The following BRCA1 variants were observed in gnomAD, a reference collection of about 807,000 sequenced individuals.
The protein encoded by BRCA1 is breast cancer type 1 susceptibility protein.
BRCA1 carries 140 observed loss-of-function variants against 173.7 expected under a neutral mutation model. That is an observed-to-expected ratio of 0.81 (90% CI 0.70 to 0.93). BRCA1 has a LOEUF of 0.93. Among genes scored for constraint, BRCA1 ranks in the 40% least tolerant of loss-of-function variants. BRCA1 has a pLI of 0.00. For synonymous variants in BRCA1, 662 were observed against 756.0 expected, an observed-to-expected ratio of 0.88 and a Z score of 2.04; for missense variants, 1,983 against 2,172.5, an observed-to-expected ratio of 0.91 and a Z score of 1.73.
chr17:43,086,644 T>A (rs2053242067), intron 11 of BRCA1, among the ~76,000 whole-genome samples: 1 of 152,172 alleles, frequency 6.6e-6, no homozygotes, highest in South Asian at 2.1e-4. Flanking sequence ...AACAAGGACA[T>A]TGTATATTGA....
At chr17:43,159,169 T>G (rs1788755567) in intron 1 of BRCA1, among the ~76,000 whole-genome samples, 1 of 152,248 alleles carries the variant, frequency 6.6e-6, no homozygotes, top group African/African-American at 2.4e-5. Context: ...GAGGATCGCT[T>G]GAGCCTGGCG....
chr17:43,156,738 C>T (rs1324945756), intron 1 of BRCA1, among the ~76,000 whole-genome samples: 1 of 152,140 alleles, frequency 6.6e-6, no homozygotes, highest in Admixed American at 6.5e-5. Context: ...TCACCACTGA[C>T]TCAATTCTGA....
At position 43,049,147 on chromosome 17, in the gene BRCA1, C is replaced by T. The variant is rs776323117; in HGVS notation, c.5380G>A (p.Glu1794Lys). 1 of 1,614,132 alleles carries T rather than the reference C, an allele frequency of 6.2e-7. No individual in the cohort carries two copies. Among genetic ancestry groups the T allele is most frequent in the South Asian group, 1.1e-5 (1 of 91,090 alleles). Residue 1794 changes from glutamate to lysine, a missense_variant, in exon 21 of 23, where the codon GAG becomes AAG. Coordinates refer to ENST00000357654, the MANE Select transcript of BRCA1 (RefSeq NM_007294.4). ...GTGCCAAGGGTGAATGATGAAAGCT[C>T]CTTCACCACAGAAGCACCACACAGC... is the stretch of plus-strand genomic sequence containing the variant. Reference protein sequence around the residue: ...VQLCGASVVKELSSFTLGTGV... With the variant: ...VQLCGASVVKKLSSFTLGTGV...
At chr17:43,135,613 C>T (rs1332182131) in intron 1 of BRCA1, among the ~76,000 whole-genome samples, 2 of 152,196 alleles carry the variant, frequency 1.3e-5, no homozygotes, top group Non-Finnish European at 2.9e-5. Context: ...TCTTCGGAGC[C>T]TTCAGCCTCG....
intron 7 of BRCA1, among the ~76,000 whole-genome samples, chr17:43,098,206 T>A (rs2054219840): frequency 1.3e-5 from 2 of 148,792 alleles, no homozygotes; most frequent in Non-Finnish European, 3.0e-5. Flanking sequence ...AAAAAGAAAT[T>A]TTTTTGTAGA....
rs1173044823 is a variant in BRCA1 at position 43,094,424 on chromosome 17, A to G, written c.1107T>C (p.Asp369=). 6.2e-7 allele frequency: 1 copy of G among 1,613,736 alleles called. No individual in the cohort carries two copies. The highest frequency in any genetic ancestry group is 1.3e-5 in the African/African-American group (1 of 74,938). ...TGCTATTTAGTGTTATCCAAGGAAC[A>G]TCTTCAGTATCTCTAGGATTCTCTG... is the stretch of plus-strand genomic sequence containing the variant. ...PCSENPRDTE[D]VPWITLNSSI... is the part of the protein sequence containing the mutation. Residue 369 remains aspartate, a synonymous_variant, in exon 10 of 23, where the codon GAT becomes GAC. Coordinates refer to ENST00000357654, the MANE Select transcript of BRCA1 (RefSeq NM_007294.4).
At chr17:43,111,506 T>C (rs2055031155) in intron 3 of BRCA1, among the ~76,000 whole-genome samples, 1 of 149,562 alleles carries the variant, frequency 6.7e-6, no homozygotes, top group South Asian at 2.1e-4. Flanking sequence ...GGCAACACAG[T>C]GAGACTCCGT....
chr17:43,096,100 G>A (rs2054124598), intron 8 of BRCA1, among the ~76,000 whole-genome samples, 178 bp from the exon 9 acceptor site: 1 of 152,072 alleles, frequency 6.6e-6, no homozygotes. Context: ...ATGGTTGCTG[G>A]GCACGGTGGC....
Position 43,092,439 on chromosome 17 carries a change from A to C in BRCA1, c.3092T>G (p.Ile1031Ser), listed in dbSNP as rs863224758. 6 of 1,613,744 alleles carry C rather than the reference A, an allele frequency of 3.7e-6. No homozygotes were observed. Among genetic ancestry groups the C allele is most frequent in the Non-Finnish European group, 5.1e-6 (6 of 1,179,988 alleles). ...GGCTTCTTTAAAAACATTTTCTCTA[A>C]TGTTATTACGGCTAATTGTGCTCAC... ...STVSTISRNN[I>S]RENVFKEASS... Residue 1031 changes from isoleucine to serine, a missense_variant, in exon 10 of 23, where the codon ATT becomes AGT. Transcript: ENST00000357654.
chr17:43,135,649 C>T (rs978692285), intron 1 of BRCA1, among the ~76,000 whole-genome samples: 4 of 152,292 alleles, frequency 2.6e-5, no homozygotes, highest in South Asian at 4.1e-4. Flanking sequence ...CATAGGGCGG[C>T]GCCAGACCCT....
rs751104940 is a variant in BRCA1, at chr17:43,093,360, G to A, written c.2171C>T (p.Pro724Leu). The change falls in exon 10 of 23, where the codon CCT becomes CTT. Residue 724 changes from proline to leucine, a missense_variant. Physicochemically the swap from Pro to Leu is moderately conservative, Grantham distance 98. Transcript: ENST00000357654. ...NTSELKEFVN[P>L]SLPREEKEEK... ...TTCTTTTTCTTCTCTTGGAAGGCTA[G>A]GATTGACAAATTCTTTAAGTTCACT... The A allele has an allele frequency of 6.2e-7, 1 of 1,613,882 alleles. No individual in the cohort carries two copies. Among genetic ancestry groups the A allele is most frequent in the South Asian group, 1.1e-5 (1 of 91,036 alleles).
chr17:43,093,219 A>G lies in BRCA1; in HGVS notation c.2312T>C (p.Leu771Ser), dbSNP rs730881481. 5 of 1,613,936 alleles carry G rather than the reference A, an allele frequency of 3.1e-6. No homozygotes were observed. The Admixed American group carries it at 6.7e-5, about 22-fold the overall frequency. ...ERSVESSSIS[L>S]VPGTDYGTQE... ...AGTGCCATAATCAGTACCAGGTACCAATGAAATACTGCTACTCTCTACAGA... is the reference window on the plus strand; with the variant it reads ...AGTGCCATAATCAGTACCAGGTACCGATGAAATACTGCTACTCTCTACAGA... The change falls in exon 10 of 23, where the codon TTG (leucine) becomes TCG (serine). Residue 771 changes from leucine (L) to serine (S), a missense_variant. Coordinates refer to ENST00000357654, the MANE Select transcript of BRCA1 (RefSeq NM_007294.4).
At position 43,092,897 on chromosome 17, in the gene BRCA1, T is replaced by C. The variant is rs730881451; in HGVS notation, c.2634A>G (p.Ala878=). ...CAGAGAATGTTGCACATTCCTCTTC[T>C]GCATTTCCTGGATTTGAAAACGGAG... ...SFAPFSNPGN[A]EEECATFSAH... Residue 878 remains alanine, a synonymous_variant, in exon 10 of 23, where the codon GCA becomes GCG. Coordinates refer to ENST00000357654, the MANE Select transcript of BRCA1 (RefSeq NM_007294.4). The C allele has an allele frequency of 3.4e-5, 55 of 1,613,812 alleles. 1 individual carries two copies. In the Middle Eastern group the frequency reaches 4.9e-4, roughly 14 times the overall value.
At chr17:43,163,353 G>A (rs1254413173) in intron 1 of BRCA1, 1 of 152,234 alleles carries the variant, frequency 6.6e-6, no homozygotes, top group African/African-American at 2.4e-5. Flanking sequence ...TCAGGGCTGG[G>A]ACCAACATGA....
chr17:43,122,785 G>T (rs1280781496), intron 2 of BRCA1, among the ~76,000 whole-genome samples: 1 of 151,872 alleles, frequency 6.6e-6, no homozygotes, highest in Admixed American at 6.6e-5. Context: ...AGTGGCTTAT[G>T]CCTGTAATCC....
At chr17:43,072,001 C>T (rs939279596) in intron 14 of BRCA1, among the ~76,000 whole-genome samples, 2 of 150,528 alleles carry the variant, frequency 1.3e-5, no homozygotes, top group Admixed American at 6.6e-5. Flanking sequence ...GAGCGAGACT[C>T]CGTCTCAAAA....
At chr17:43,105,085 A>G in intron 4 of BRCA1, 129 bp from the exon 5 acceptor site, 1 of 734,144 alleles carries the variant, frequency 1.4e-6, no homozygotes, top group Middle Eastern at 3.6e-4. Context: ...TCTATAATCA[A>G]TACATCATTG....
intron 3 of BRCA1, among the ~76,000 whole-genome samples, chr17:43,115,396 G>T (rs1022912038): frequency 1.5e-4 from 23 of 152,066 alleles, no homozygotes; most frequent in African/African-American, 5.5e-4. Context: ...CAGCTACCTG[G>T]GAGGCTGAGG....
At chr17:43,138,876 G>C in intron 1 of BRCA1, 1 of 778,872 alleles carries the variant, frequency 1.3e-6, no homozygotes, top group South Asian at 1.3e-5. Flanking sequence ...CTCAGCAGCG[G>C]TGTCCCAAGT....
Sources: allele counts gnomAD v4.1 joint callset (sites outside exome capture counted in the v4.1 genomes callset), GRCh38; gene constraint gnomAD v4.1.1; transcripts MANE v1.5; gene names NCBI Gene and HGNC (gene_info 2026-07-23, HGNC 2026-07-21).